BOP1: variants seen among roughly 807,000 people sequenced by gnomAD.
The protein encoded by BOP1 is BOP1 ribosomal biogenesis factor.
In BOP1, 54 loss-of-function variants were observed where a neutral mutation model predicts 82.9. The ratio of observed to expected loss-of-function variants is 0.65; its 90% CI spans 0.52 to 0.82. The LOEUF (loss-of-function observed/expected upper bound fraction) is 0.82, where lower values mean the gene tolerates loss of function less well. Among genes scored for constraint, BOP1 ranks in the 40% least tolerant of loss-of-function variants. The pLI is 0.00. For missense variants in BOP1, 1,170 were observed against 1,072.0 expected, an observed-to-expected ratio of 1.09 and a Z score of -1.28; for synonymous variants, 566 against 451.1, an observed-to-expected ratio of 1.25 and a Z score of -3.23.
chr8:144,271,613 G>A (rs541137460), intron 3 of BOP1, among the ~76,000 whole-genome samples: 3 of 152,248 alleles, frequency 2.0e-5, no homozygotes, highest in African/African-American at 7.2e-5. Context: ...GCAAGGCCAG[G>A]GCGGGAGGCT....
In BOP1 at chr8:144,277,457, C is replaced by T. The variant is rs971675266; in HGVS notation, c.310-1153G>A. On this transcript the variant is annotated intron_variant, in intron 2 of 15. Transcript: ENST00000569669. ...ACACCCGGCTGCGGTCGGCTGCCCC[C>T]GCCTGGCCTCTGCGGACGGGTACCG... 3.3e-5 allele frequency among the ~76,000 whole-genome samples: 5 copies of T among 152,370 alleles called. No individual in the cohort carries two copies. In the South Asian group the frequency reaches 6.2e-4, roughly 19 times the overall value.
chr8:144,273,029 G>A (rs1432602999), intron 3 of BOP1, among the ~76,000 whole-genome samples: 1 of 152,192 alleles, frequency 6.6e-6, no homozygotes, highest in Non-Finnish European at 1.5e-5. Flanking sequence ...ATGGCCGCCA[G>A]GGAGATTGGG....
Position 144,262,522 on chromosome 8 carries a change from G to A in BOP1, c.1980-19C>T. On this transcript the variant is annotated intron_variant, in intron 14 of 15. Coordinates refer to ENST00000569669, the MANE Select transcript of BOP1 (RefSeq NM_015201.5). The stretch of plus-strand genomic sequence containing the variant: ...GTGGTGTCTGGGGGGAGGGAACCAG[G>A]TTGAAGGCAGGCTCGGGCTGAAGGG... The A allele has an allele frequency of 1.2e-6, 2 of 1,612,990 alleles. No homozygotes were observed. The highest frequency in any genetic ancestry group is 1.7e-6 in the Non-Finnish European group (2 of 1,179,776).
intron 3 of BOP1, chr8:144,268,319 G>C: frequency 1.1e-6 from 1 of 887,510 alleles, no homozygotes; most frequent in Non-Finnish European, 1.7e-6. Flanking sequence ...GACAGGCGCC[G>C]GCAGCGGGAC....
At chr8:144,275,047 G>T (rs1321688349) in intron 3 of BOP1, among the ~76,000 whole-genome samples, 1 of 152,058 alleles carries the variant, frequency 6.6e-6, no homozygotes, top group Non-Finnish European at 1.5e-5. Flanking sequence ...GACCGGATCG[G>T]GCGGGCGGCC....
intron 3 of BOP1, among the ~76,000 whole-genome samples, chr8:144,271,382 G>A (rs1337571994): frequency 2.0e-5 from 3 of 152,036 alleles, no homozygotes; most frequent in South Asian, 2.1e-4. Flanking sequence ...CTCTCTCCTC[G>A]TTCCGCCTCT....
chr8:144,282,919 T>C (rs1417941131), intron 2 of BOP1, among the ~76,000 whole-genome samples: 3 of 151,798 alleles, frequency 2.0e-5, no homozygotes, highest in Non-Finnish European at 4.4e-5. Context: ...CCAGGTGCGG[T>C]GGCTCACGCC....
At position 144,262,060 on chromosome 8, in the gene BOP1, T is replaced by TTGAA. The variant is rs1845187899; in HGVS notation, c.*103_*104insTTCA. The TTGAA allele has an allele frequency of 2.1e-5, 32 of 1,548,676 alleles. No homozygotes were observed. The highest frequency in any genetic ancestry group is 2.8e-5 in the Non-Finnish European group (32 of 1,136,238). On this transcript the variant is annotated 3_prime_UTR_variant, in exon 16 of 16. Coordinates refer to ENST00000569669, the MANE Select transcript of BOP1 (RefSeq NM_015201.5). ...GGCTCGGCGCTGTGGTGGGGGCGGCTTTGTTGGCAACCCCAATTCAAGAAG... is the reference window on the plus strand; with the variant it reads ...GGCTCGGCGCTGTGGTGGGGGCGGCTTGAATTGTTGGCAACCCCAATTCAAGAAG...
Position 144,276,314 on chromosome 8 carries a change from G to C in BOP1, c.310-10C>G. The C allele has an allele frequency of 1.2e-6, 2 of 1,612,550 alleles. No individual in the cohort carries two copies. The highest frequency in any genetic ancestry group is 1.1e-5 in the South Asian group (1 of 91,078). On this transcript the variant is annotated splice_polypyrimidine_tract_variant and intron_variant, in intron 2 of 15. Coordinates refer to ENST00000569669, the MANE Select transcript of BOP1 (RefSeq NM_015201.5). ...GGCAAGGAGTGCTGGCCTGCAGAGA[G>C]AGAGAGAAAATGGTCACTTCAGGGG...
In BOP1 at chr8:144,264,380, C is replaced by T; in HGVS notation, c.823G>A (p.Asp275Asn). Reference protein sequence around the residue: ...MGWIQPRRPRDPTPSFYDLWA... With the variant: ...MGWIQPRRPRNPTPSFYDLWA... ...AGGTCATAGAAGCTGGGGGTGGGGT[C>T]TCGGGGCCGGCGAGGCTGGATCCAG... Residue 275 changes from aspartate (D) to asparagine (N), a missense_variant, in exon 7 of 16, where the codon GAC (aspartate) becomes AAC (asparagine). Asp to Asn is a conservative substitution (Grantham distance 23). Transcript: ENST00000569669. The T allele has an allele frequency of 6.2e-7, 1 of 1,603,502 alleles. No homozygotes were observed. Among genetic ancestry groups the T allele is most frequent in the African/African-American group, 1.3e-5 (1 of 75,008 alleles).
Position 144,263,755 on chromosome 8 carries a change from T to C in BOP1, c.1228A>G (p.Arg410Gly). Residue 410 changes from arginine (R) to glycine (G), a missense_variant, in exon 10 of 16, where the codon AGG (arginine) becomes GGG (glycine). By Grantham distance (125) the Arg-to-Gly change is moderately radical (BLOSUM62 -2). Coordinates refer to ENST00000569669, the MANE Select transcript of BOP1 (RefSeq NM_015201.5). Reference sequence around the variant, plus strand: ...CACCGGACAAGGTCACTGTGGCCCCTGTAGACCTGAGGAGGCGGCGGCAGT... The same window carrying C: ...CACCGGACAAGGTCACTGTGGCCCCCGTAGACCTGAGGAGGCGGCGGCAGT... Reference protein sequence around the residue: ...PFPTCQALVYRGHSDLVRCLS... With the variant: ...PFPTCQALVYGGHSDLVRCLS... 6.3e-7 allele frequency: 1 copy of C among 1,582,496 alleles called. No homozygotes were observed. The highest frequency in any genetic ancestry group is 8.6e-7 in the Non-Finnish European group (1 of 1,166,546).
intron 2 of BOP1, among the ~76,000 whole-genome samples, chr8:144,284,449 G>A (rs533526128): frequency 3.3e-5 from 5 of 152,296 alleles, no homozygotes; most frequent in Middle Eastern, 3.4e-3. Context: ...TGTTGAGGCC[G>A]AGCTGCCAGG....
In BOP1 at chr8:144,263,204, C is replaced by A; in HGVS notation, c.1605+17G>T. On this transcript the variant is annotated intron_variant, in intron 12 of 15. Coordinates refer to ENST00000569669, the MANE Select transcript of BOP1 (RefSeq NM_015201.5). ...GCCCCTCCCGCTGCAGCCTCACCCC[C>A]AAGGCGCCCCACGTACCTTCCCGTG... is the stretch of plus-strand genomic sequence containing the variant. 1 of 1,593,870 alleles carries A rather than the reference C, an allele frequency of 6.3e-7. No homozygotes were observed. Among genetic ancestry groups the A allele is most frequent in the East Asian group, 2.2e-5 (1 of 44,766 alleles).
intron 3 of BOP1, chr8:144,266,931 C>A: frequency 1.3e-6 from 2 of 1,558,514 alleles, no homozygotes; most frequent in African/African-American, 1.4e-5. Flanking sequence ...CCACCGAGCC[C>A]GCCGACCGCA....
intron 3 of BOP1, among the ~76,000 whole-genome samples, chr8:144,270,173 G>A (rs957832416): frequency 2.6e-5 from 4 of 152,156 alleles, no homozygotes; most frequent in African/African-American, 7.2e-5. Context: ...GGTGCGGGGC[G>A]TCGGCGGCCG....
At position 144,263,404 on chromosome 8, in the gene BOP1, G is replaced by A. The variant is rs1329919981; in HGVS notation, c.1425-3C>T. On this transcript the variant is annotated splice_polypyrimidine_tract_variant and splice_region_variant and intron_variant, in intron 11 of 15. Coordinates refer to ENST00000569669, the MANE Select transcript of BOP1 (RefSeq NM_015201.5). Reference sequence around the variant, plus strand: ...TCAGCAGCAGCACCGAGTCCTCCCTGTGAGCCAGGCCCAGACACGGCCCCT... The same window carrying A: ...TCAGCAGCAGCACCGAGTCCTCCCTATGAGCCAGGCCCAGACACGGCCCCT... 2.5e-6 allele frequency: 4 copies of A among 1,597,700 alleles called. No individual in the cohort carries two copies. The African/African-American group carries it at 5.3e-5, about 21-fold the overall frequency.
intron 2 of BOP1, among the ~76,000 whole-genome samples, chr8:144,280,455 C>T (rs782769222): frequency 4.6e-5 from 7 of 152,276 alleles, no homozygotes; most frequent in South Asian, 2.1e-4. Context: ...GCTGCAGCAA[C>T]GCGGCCTGCC....
At chr8:144,283,500 A>G (rs1034756616) in intron 2 of BOP1, among the ~76,000 whole-genome samples, 1 of 152,164 alleles carries the variant, frequency 6.6e-6, no homozygotes, top group Non-Finnish European at 1.5e-5. Context: ...TTCTGTAAAA[A>G]TGGGGTCTCA....
At chr8:144,276,797 C>T in intron 2 of BOP1, among the ~76,000 whole-genome samples, 1 of 152,310 alleles carries the variant, frequency 6.6e-6, no homozygotes, top group East Asian at 1.9e-4. Context: ...GGCCAATGCT[C>T]TTGAAGGGGC....
Sources: gnomAD v4.1 joint callset for allele counts (sites outside exome capture counted in the v4.1 genomes callset) on GRCh38, gnomAD v4.1.1 for gene constraint, MANE v1.5 for transcripts, NCBI Gene and HGNC (gene_info 2026-07-23, HGNC 2026-07-21) for gene names.